Variants in KCNQ1OT1 observed in about 807,000 individuals in gnomAD.
KCNQ1OT1 encodes the protein KCNQ1 antisense RNA 2 (non-protein coding).
At position 2,653,783 on chromosome 11, in the gene KCNQ1OT1, C is replaced by G; in HGVS notation, n.46212G>C. The G allele has an allele frequency of 2.5e-6, 1 of 398,642 alleles. No individual in the cohort carries two copies. The highest frequency in any genetic ancestry group is 4.4e-6 in the Non-Finnish European group (1 of 226,096). The allele number at this position is 398,642 out of a possible 1,614,324, so 24.7% of individuals were successfully genotyped here. A position where few individuals can be genotyped will look rare whatever the true frequency, so the allele number is the denominator to read the frequency against. ...GCTGGGGTACAAGCCATCCTTGGACCTGCAGCTGTACCTCCGATGGCTGAG... is the reference window on the plus strand; with the variant it reads ...GCTGGGGTACAAGCCATCCTTGGACGTGCAGCTGTACCTCCGATGGCTGAG... On this transcript the variant is annotated non_coding_transcript_exon_variant, in exon 1 of 1. Coordinates refer to ENST00000597346, the Ensembl canonical transcript of KCNQ1OT1. This position sits in a 1 kb window ranked among gnomAD's most constrained non-coding sequence, Gnocchi z 5.3.
In KCNQ1OT1 at chr11:2,673,191, A is replaced by G. The variant is rs1850217817; in HGVS notation, n.26804T>C. On this transcript the variant is annotated non_coding_transcript_exon_variant, in exon 1 of 1. Transcript: ENST00000597346. This position sits in a 1 kb window ranked among gnomAD's most constrained non-coding sequence, Gnocchi z 4.5. ...CAGAATGGGCCCTGGAGCCAAGGCC[A>G]AAAGCCGAACTGTGACTAGGCAAGC... 2.5e-6 allele frequency: 1 copy of G among 398,724 alleles called. No homozygotes were observed. The highest frequency in any genetic ancestry group is 4.4e-6 in the Non-Finnish European group (1 of 226,128). The allele number at this position is 398,724 out of a possible 1,614,324, so 24.7% of individuals were successfully genotyped here. A position where few individuals can be genotyped will look rare whatever the true frequency, so the allele number is the denominator to read the frequency against.
Position 2,651,352 on chromosome 11 carries a change from G to GGT in KCNQ1OT1, n.48641_48642dup. The GGT allele has an allele frequency of 2.5e-6, 1 of 398,674 alleles. No individual in the cohort carries two copies. Among genetic ancestry groups the GGT allele is most frequent in the Non-Finnish European group, 4.4e-6 (1 of 226,124 alleles). 24.7% of individuals were successfully genotyped at this position (398,674 alleles called of 1,614,324 possible). A position where few individuals can be genotyped will look rare whatever the true frequency, so the allele number is the denominator to read the frequency against. On this transcript the variant is annotated non_coding_transcript_exon_variant, in exon 1 of 1. Transcript: ENST00000597346. This position sits in a 1 kb window ranked among gnomAD's most constrained non-coding sequence, Gnocchi z 6.1. The stretch of plus-strand genomic sequence containing the variant: ...TTCTACAAGCGGCTGAGAGAGCTGG[G>GGT]GTATTTATCTTTCACTAGTGAGTGC...
In KCNQ1OT1 at chr11:2,647,050, CCTTGT is replaced by C; in HGVS notation, n.52940_52944del. On this transcript the variant is annotated non_coding_transcript_exon_variant, in exon 1 of 1. Transcript: ENST00000597346. This position sits in a 1 kb window ranked among gnomAD's most constrained non-coding sequence, Gnocchi z 4.0. Reference sequence around the variant, plus strand: ...GAATAAGAATAGTGAAAGTGGGCATCCTTGTCTTGTTCTAGTTCTAAGAGAGAAGG... The same window carrying C: ...GAATAAGAATAGTGAAAGTGGGCATCCTTGTTCTAGTTCTAAGAGAGAAGG... 1 of 398,538 alleles carries C rather than the reference CCTTGT, an allele frequency of 2.5e-6. No homozygotes were observed. Among genetic ancestry groups the C allele is most frequent in the South Asian group, 1.3e-4 (1 of 7,860 alleles). The allele number at this position is 398,538 out of a possible 1,614,324, so 24.7% of individuals were successfully genotyped here.
In KCNQ1OT1 at chr11:2,654,297, G is replaced by C; in HGVS notation, n.45698C>G. On this transcript the variant is annotated non_coding_transcript_exon_variant, in exon 1 of 1. Transcript: ENST00000597346. The surrounding 1 kb of genome is among the most constrained non-coding windows in gnomAD (Gnocchi z 6.4). ...GGGCTTTGGTGAATCCACTGAGAGG[G>C]GGAGATTTCTTGAGGGGGCCAGGGA... 1 of 398,812 alleles carries C rather than the reference G, an allele frequency of 2.5e-6. No individual in the cohort carries two copies. The highest frequency in any genetic ancestry group is 4.4e-6 in the Non-Finnish European group (1 of 226,302). 24.7% of individuals were successfully genotyped at this position (398,812 alleles called of 1,614,324 possible). A position where few individuals can be genotyped will look rare whatever the true frequency, so the allele number is the denominator to read the frequency against.
At position 2,653,005 on chromosome 11, in the gene KCNQ1OT1, C is replaced by CAAAT; in HGVS notation, n.46986_46989dup. The CAAAT allele has an allele frequency of 2.5e-6, 1 of 398,642 alleles. No homozygotes were observed. The highest frequency in any genetic ancestry group is 4.4e-6 in the Non-Finnish European group (1 of 226,070). 24.7% of individuals were successfully genotyped at this position (398,642 alleles called of 1,614,324 possible). A position where few individuals can be genotyped will look rare whatever the true frequency, so the allele number is the denominator to read the frequency against. On this transcript the variant is annotated non_coding_transcript_exon_variant, in exon 1 of 1. Transcript: ENST00000597346. This position sits in a 1 kb window ranked among gnomAD's most constrained non-coding sequence, Gnocchi z 5.3. ...TGTCACATCACTGTCATGCTTGAGGCAAATCTATTCTGCACACCTTTGATC... is the reference window on the plus strand; with the variant it reads ...TGTCACATCACTGTCATGCTTGAGGCAAATAAATCTATTCTGCACACCTTTGATC...
At position 2,627,344 on chromosome 11, in the gene KCNQ1OT1, T is replaced by A. The variant is rs377042470; in HGVS notation, n.72651A>T. Reference sequence around the variant, plus strand: ...GTCAGAATACCTAAGCTATACTCTCTTAGCAAATTCCAAGTATAGAATATA... The same window carrying A: ...GTCAGAATACCTAAGCTATACTCTCATAGCAAATTCCAAGTATAGAATATA... On this transcript the variant is annotated non_coding_transcript_exon_variant, in exon 1 of 1. Transcript: ENST00000597346. The surrounding 1 kb of genome is among the most constrained non-coding windows in gnomAD (Gnocchi z 4.9). The A allele has an allele frequency of 1.8e-5, 7 of 398,538 alleles. No homozygotes were observed. Among genetic ancestry groups the A allele is most frequent in the African/African-American group, 1.2e-4 (6 of 48,738 alleles). The allele number at this position is 398,538 out of a possible 1,614,324, so 24.7% of individuals were successfully genotyped here.
At position 2,634,872 on chromosome 11, in the gene KCNQ1OT1, C is replaced by G. The variant is rs1323191191; in HGVS notation, n.65123G>C. On this transcript the variant is annotated non_coding_transcript_exon_variant, in exon 1 of 1. Coordinates refer to ENST00000597346, the Ensembl canonical transcript of KCNQ1OT1. ...TCCTGAATTTTTAATGATTGCCATT[C>G]TAACTGGTGTGAGATGGTATCTCAT... 4.6e-5 allele frequency: 7 copies of G among 152,214 alleles called. No individual in the cohort carries two copies. The East Asian group carries it at 1.3e-3, about 29-fold the overall frequency. The allele number at this position is 152,214 out of a possible 1,614,324, so 9.4% of individuals were successfully genotyped here. A position where few individuals can be genotyped will look rare whatever the true frequency, so the allele number is the denominator to read the frequency against.
rs1463939251 is a variant in KCNQ1OT1 at position 2,690,487 on chromosome 11, C to T, written n.9508G>A. On this transcript the variant is annotated non_coding_transcript_exon_variant, in exon 1 of 1. Transcript: ENST00000597346. The surrounding 1 kb of genome is among the most constrained non-coding windows in gnomAD (Gnocchi z 5.1). ...CTGGGTCCTGGGAACAGCCACTGGG[C>T]CCAGTCGGGGGGGTCTCAGCACCTA... 1 of 398,584 alleles carries T rather than the reference C, an allele frequency of 2.5e-6. No homozygotes were observed. The highest frequency in any genetic ancestry group is 4.4e-6 in the Non-Finnish European group (1 of 226,074). 24.7% of individuals were successfully genotyped at this position (398,584 alleles called of 1,614,324 possible).
chr11:2,696,718 C>G (rs549794880), exon 1 of KCNQ1OT1: 2 of 398,600 alleles, frequency 5.0e-6, no homozygotes. Context: ...ATGGAAAGAT[C>G]TCCCTCTATA....
rs955977386 is a variant in KCNQ1OT1 at position 2,613,194 on chromosome 11, T to C, written n.86801A>G. 1 of 398,402 alleles carries C rather than the reference T, an allele frequency of 2.5e-6. No individual in the cohort carries two copies. Among genetic ancestry groups the C allele is most frequent in the African/African-American group, 2.1e-5 (1 of 48,576 alleles). The allele number at this position is 398,402 out of a possible 1,614,324, so 24.7% of individuals were successfully genotyped here. A position where few individuals can be genotyped will look rare whatever the true frequency, so the allele number is the denominator to read the frequency against. ...AAAGTTCAGGCACTTTATAACTCTG[T>C]CCTGTATTTTACTGTCTGCTTGCAA... On this transcript the variant is annotated non_coding_transcript_exon_variant, in exon 1 of 1. Transcript: ENST00000597346. The surrounding 1 kb of genome is among the most constrained non-coding windows in gnomAD (Gnocchi z 4.8).
rs1194815942 is a variant in KCNQ1OT1 at position 2,674,623 on chromosome 11, C to T, written n.25372G>A. On this transcript the variant is annotated non_coding_transcript_exon_variant, in exon 1 of 1. Coordinates refer to ENST00000597346, the Ensembl canonical transcript of KCNQ1OT1. This position sits in a 1 kb window ranked among gnomAD's most constrained non-coding sequence, Gnocchi z 5.9. ...AGGCTCTGGCTTAAAACAGTCACAG[C>T]GAAACATGCCTTTGAATTGGAAAGC... The T allele has an allele frequency of 1.8e-5, 7 of 398,390 alleles. No individual in the cohort carries two copies. Among genetic ancestry groups the T allele is most frequent in the Admixed American group, 4.4e-5 (1 of 22,708 alleles). 24.7% of individuals were successfully genotyped at this position (398,390 alleles called of 1,614,324 possible).
exon 1 of KCNQ1OT1, chr11:2,684,128 G>A (rs775072898): frequency 5.0e-6 from 2 of 398,598 alleles, no homozygotes; most frequent in East Asian, 3.6e-5. Context: ...TAAGGGGACC[G>A]TTTCCCTTGA....
At position 2,663,774 on chromosome 11, in the gene KCNQ1OT1, C is replaced by G; in HGVS notation, n.36221G>C. 2.5e-6 allele frequency: 1 copy of G among 398,706 alleles called. No homozygotes were observed. Among genetic ancestry groups the G allele is most frequent in the Non-Finnish European group, 4.4e-6 (1 of 226,114 alleles). The allele number at this position is 398,706 out of a possible 1,614,324, so 24.7% of individuals were successfully genotyped here. ...GGCACTTATGTGGATCACAGCCAAA[C>G]TTGCAGCTGCCCAGTAAATCACCAC... On this transcript the variant is annotated non_coding_transcript_exon_variant, in exon 1 of 1. Coordinates refer to ENST00000597346, the Ensembl canonical transcript of KCNQ1OT1. This position sits in a 1 kb window ranked among gnomAD's most constrained non-coding sequence, Gnocchi z 5.2.
exon 1 of KCNQ1OT1, chr11:2,665,475 G>A (rs1850050357): frequency 7.6e-6 from 3 of 396,236 alleles, no homozygotes. Flanking sequence ...GGTGGGGACG[G>A]TGCCATGCCT....
chr11:2,656,247 A>G (rs1054918319), exon 1 of KCNQ1OT1: 3 of 398,542 alleles, frequency 7.5e-6, no homozygotes, highest in African/African-American at 6.2e-5. Flanking sequence ...CAACTGCATT[A>G]TATAACCTAG....
rs1848973571 is a variant in KCNQ1OT1, at chr11:2,611,081, T to C, written n.88914A>G. The stretch of plus-strand genomic sequence containing the variant: ...TTCAGGGCTGTGTTTTTAGCTGTTA[T>C]AAATTTTTATTTCTTTATGACTTCT... On this transcript the variant is annotated non_coding_transcript_exon_variant, in exon 1 of 1. Transcript: ENST00000597346. This position sits in a 1 kb window ranked among gnomAD's most constrained non-coding sequence, Gnocchi z 5.3. 1.0e-5 allele frequency: 4 copies of C among 398,572 alleles called. No homozygotes were observed. Among genetic ancestry groups the C allele is most frequent in the Admixed American group, 4.4e-5 (1 of 22,732 alleles). The allele number at this position is 398,572 out of a possible 1,614,324, so 24.7% of individuals were successfully genotyped here. A position where few individuals can be genotyped will look rare whatever the true frequency, so the allele number is the denominator to read the frequency against.
At chr11:2,680,872 C>A (rs1256389141) in exon 1 of KCNQ1OT1, 4 of 398,482 alleles carry the variant, frequency 1.0e-5, no homozygotes, top group Non-Finnish European at 1.8e-5. Context: ...CCTGAAGATT[C>A]ACCCAGGTTA....
chr11:2,663,930 G>T lies in KCNQ1OT1; in HGVS notation n.36065C>A, dbSNP rs1029792714. 2.8e-5 allele frequency: 11 copies of T among 398,596 alleles called. No homozygotes were observed. The highest frequency in any genetic ancestry group is 4.4e-5 in the Non-Finnish European group (10 of 226,124). 24.7% of individuals were successfully genotyped at this position (398,596 alleles called of 1,614,324 possible). ...CATCTAGGACACTGGGCTGTTTCTT[G>T]TTCCACTCCAGGATGACAGGGCCTG... On this transcript the variant is annotated non_coding_transcript_exon_variant, in exon 1 of 1. Coordinates refer to ENST00000597346, the Ensembl canonical transcript of KCNQ1OT1. This position sits in a 1 kb window ranked among gnomAD's most constrained non-coding sequence, Gnocchi z 5.2.
chr11:2,611,595 T>G lies in KCNQ1OT1; in HGVS notation n.88400A>C, dbSNP rs1293713806. On this transcript the variant is annotated non_coding_transcript_exon_variant, in exon 1 of 1. Transcript: ENST00000597346. The surrounding 1 kb of genome is among the most constrained non-coding windows in gnomAD (Gnocchi z 5.3). The stretch of plus-strand genomic sequence containing the variant: ...CTTTTTCCATCATTTTACTTTCAAC[T>G]ATGTCTTTGAATCTAGAATGTGACT... The G allele has an allele frequency of 5.0e-6, 2 of 398,498 alleles. No individual in the cohort carries two copies. The highest frequency in any genetic ancestry group is 4.1e-5 in the African/African-American group (2 of 48,634). The allele number at this position is 398,498 out of a possible 1,614,324, so 24.7% of individuals were successfully genotyped here.
Sources: gnomAD v4.1 joint callset for allele counts on GRCh38, gnomAD v4.1.1 for gene constraint, Gnocchi (gnomAD v3.1) non-coding constraint, MANE v1.5 for transcripts, NCBI Gene and HGNC (gene_info 2026-07-23, HGNC 2026-07-21) for gene names.